Variants in NOX5 observed in about 807,000 individuals in gnomAD.
NOX5 encodes the protein NADPH oxidase 5.
In NOX5, 76 loss-of-function variants were observed where a neutral mutation model predicts 85.7. That is an observed-to-expected ratio of 0.89 (90% CI 0.74 to 1.07). The LOEUF (loss-of-function observed/expected upper bound fraction) is 1.07. NOX5 is among the 50% of genes least tolerant of loss of function. The probability of loss-of-function intolerance (pLI) is 0.00; values close to 1 mark genes in which losing one functional copy is unlikely to be tolerated. For missense variants in NOX5, 973 were observed against 999.5 expected (o/e 0.97, Z 0.36); for synonymous variants, 405 against 401.4 (o/e 1.01, Z -0.11).
rs1463632885 is a variant in NOX5 at position 69,060,895 on chromosome 15, A to T, written c.*4199A>T. The T allele has an allele frequency of 6.6e-6, 1 of 152,246 alleles. No individual in the cohort carries two copies. Among genetic ancestry groups the T allele is most frequent in the African/African-American group, 2.4e-5 (1 of 41,468 alleles). 9.4% of individuals were successfully genotyped at this position (152,246 alleles called of 1,614,324 possible). Reference sequence around the variant, plus strand: ...CAGATGTGTCTACAGCATTGTTAACATCTGGTGAAAGGAGAAAAGTCAGCC... The same window carrying T: ...CAGATGTGTCTACAGCATTGTTAACTTCTGGTGAAAGGAGAAAAGTCAGCC... On this transcript the variant is annotated 3_prime_UTR_variant, in exon 16 of 16. Transcript: ENST00000388866.
chr15:69,055,887 T>C (rs1237878242), intron 15 of NOX5, among the ~76,000 whole-genome samples: 1 of 152,116 alleles, frequency 6.6e-6, no homozygotes, highest in Non-Finnish European at 1.5e-5. Context: ...TTGCAATCCT[T>C]TTATTTTATT....
At chr15:69,042,897 A>G in intron 10 of NOX5, 92 bp downstream of exon 10, 1 of 1,369,496 alleles carries the variant, frequency 7.3e-7, no homozygotes, top group South Asian at 1.4e-5. Context: ...TCAATTATTG[A>G]GCAACTGCTG....
chr15:69,018,017 C>CA (rs1164229618), intron 1 of NOX5, among the ~76,000 whole-genome samples: 1 of 152,132 alleles, frequency 6.6e-6, no homozygotes, highest in African/African-American at 2.4e-5. Flanking sequence ...GCCCAAACCT[C>CA]AGAGCTTCTG....
intron 10 of NOX5, among the ~76,000 whole-genome samples, chr15:69,045,463 T>C (rs1359998086): frequency 6.6e-6 from 1 of 151,672 alleles, no homozygotes; most frequent in Non-Finnish European, 1.5e-5. Context: ...ACACTCTTAC[T>C]CCTTCCTTCC....
rs1595772585 is a variant in NOX5, at chr15:69,028,272, A to C, written c.232A>C (p.Thr78Pro). ...LFDSDRSGTI[T>P]LQELQEALTL... is the part of the protein sequence containing the mutation. ...TGACTCCGATAGAAGTGGCACCATC[A>C]CCCTCCAGGAGCTGCAGGAGGCACT... The change falls in exon 3 of 16, where the codon ACC becomes CCC. Residue 78 changes from threonine to proline, a missense_variant. Thr to Pro is a conservative substitution (Grantham distance 38). Coordinates refer to ENST00000388866, the MANE Select transcript of NOX5 (RefSeq NM_024505.4). 6.2e-7 allele frequency: 1 copy of C among 1,613,062 alleles called. No individual in the cohort carries two copies. The highest frequency in any genetic ancestry group is 1.7e-5 in the Admixed American group (1 of 59,886).
rs2050251536 is a variant in NOX5, at chr15:69,018,014, C to T, written c.50+3229C>T. On this transcript the variant is annotated intron_variant, in intron 1 of 15. Coordinates refer to ENST00000388866, the MANE Select transcript of NOX5 (RefSeq NM_024505.4). ...AGAATTCACACTCCCAGGGCCCAAA[C>T]CTCAGAGCTTCTGGTCCTGAAGATC... Among the ~76,000 whole-genome samples the T allele has an allele frequency of 2.6e-5, 4 of 152,206 alleles. No homozygotes were observed. In the Middle Eastern group the frequency reaches 0.014, roughly 518 times the overall value.
In NOX5 at chr15:69,037,125, T is replaced by C. The variant is rs774525088; in HGVS notation, c.1286T>C (p.Leu429Ser). 4.5e-5 allele frequency: 72 copies of C among 1,614,018 alleles called. No individual in the cohort carries two copies. The highest frequency in any genetic ancestry group is 6.7e-5 in the Admixed American group (4 of 60,006). ...AAGTGGCTGCTGGTGCCTGGAATCTTGTTTTTCCTGGAGAAGGCCATCGGA... is the reference window on the plus strand; with the variant it reads ...AAGTGGCTGCTGGTGCCTGGAATCTCGTTTTTCCTGGAGAAGGCCATCGGA... ...FWKWLLVPGI[L>S]FFLEKAIGLA... The change falls in exon 8 of 16, where the codon TTG becomes TCG. Residue 429 changes from leucine to serine, a missense_variant. Leu to Ser is a moderately radical substitution (Grantham distance 145). Transcript: ENST00000388866.
intron 1 of NOX5, among the ~76,000 whole-genome samples, chr15:69,018,109 C>T (rs748951941): frequency 1.3e-5 from 2 of 151,940 alleles, no homozygotes; most frequent in African/African-American, 4.8e-5. Flanking sequence ...TGGACCGGAC[C>T]GCACTCATGG....
chr15:69,037,160 T>C lies in NOX5; in HGVS notation c.1321T>C (p.Ser441Pro), dbSNP rs2050530507. The C allele has an allele frequency of 6.2e-7, 1 of 1,613,842 alleles. No homozygotes were observed. The highest frequency in any genetic ancestry group is 1.3e-5 in the African/African-American group (1 of 74,884). The stretch of plus-strand genomic sequence containing the variant: ...GGAGAAGGCCATCGGACTGGCAGTG[T>C]CCCGCATGGCAGCCGTGTGCATCAT... The part of the protein sequence containing the change: ...FLEKAIGLAV[S>P]RMAAVCIMEV... The change falls in exon 8 of 16, where the codon TCC becomes CCC. Residue 441 changes from serine to proline, a missense_variant. Transcript: ENST00000388866.
Position 69,035,757 on chromosome 15 carries a change from G to T in NOX5, c.1010-1G>T. On this transcript the variant is annotated splice_acceptor_variant, in intron 6 of 15. Transcript: ENST00000388866. LOFTEE classifies it high-confidence loss of function. ...CTCAACCTTTCTGAGCTTGTTTCCA[G>T]TACTCCAGGCTCAGGCGGAGGCCAG... 1 of 1,613,564 alleles carries T rather than the reference G, an allele frequency of 6.2e-7. No individual in the cohort carries two copies. The highest frequency in any genetic ancestry group is 2.2e-5 in the East Asian group (1 of 44,878).
chr15:69,015,352 A>C (rs1228045440), intron 1 of NOX5, among the ~76,000 whole-genome samples: 1 of 152,064 alleles, frequency 6.6e-6, no homozygotes, highest in East Asian at 1.9e-4. Flanking sequence ...CCCCTTGCAC[A>C]GGCCCACCAC....
At chr15:69,031,422 T>G in intron 3 of NOX5, 96 bp from the exon 4 acceptor site, 2 of 1,361,180 alleles carry the variant, frequency 1.5e-6, no homozygotes, top group Non-Finnish European at 2.0e-6. Flanking sequence ...GAGGGTGACA[T>G]TTGGTCCTTC....
intron 1 of NOX5, chr15:69,024,183 T>G (rs1431915643): frequency 6.6e-6 from 1 of 152,280 alleles, no homozygotes; most frequent in East Asian, 1.9e-4. Context: ...TTCTTACATT[T>G]CCCTTTAATT....
At chr15:69,033,985 C>T (rs1349686758) in intron 5 of NOX5, among the ~76,000 whole-genome samples, 1 of 152,054 alleles carries the variant, frequency 6.6e-6, no homozygotes, top group Non-Finnish European at 1.5e-5. Context: ...TGAGCCACCA[C>T]GCCTGACCTC....
intron 7 of NOX5, among the ~76,000 whole-genome samples, chr15:69,036,322 A>G (rs901827161): frequency 2.6e-5 from 4 of 152,098 alleles, no homozygotes; most frequent in Non-Finnish European, 4.4e-5. Context: ...GTAATTCTCT[A>G]TGTTATTTTA....
intron 3 of NOX5, chr15:69,030,626 T>C (rs555908079): frequency 1.3e-5 from 2 of 152,342 alleles, no homozygotes; most frequent in African/African-American, 2.4e-5. Context: ...GGCTGTTGAC[T>C]AGGAAAGCAG....
At chr15:69,025,290 A>G (rs1386703152) in intron 1 of NOX5, among the ~76,000 whole-genome samples, 3 of 151,764 alleles carry the variant, frequency 2.0e-5, no homozygotes, top group Non-Finnish European at 1.5e-5. Context: ...TATTTCCTCC[A>G]TACTGCACAG....
chr15:69,044,652 G>T (rs576551991), intron 10 of NOX5, among the ~76,000 whole-genome samples: 1 of 152,244 alleles, frequency 6.6e-6, no homozygotes, highest in Non-Finnish European at 1.5e-5. Context: ...GAAAAAGCAG[G>T]TTACTAAAAA....
chr15:69,033,083 C>G lies in NOX5; in HGVS notation c.661C>G (p.Pro221Ala). The G allele has an allele frequency of 1.9e-6, 3 of 1,552,030 alleles. No homozygotes were observed. Among genetic ancestry groups the G allele is most frequent in the Non-Finnish European group, 2.6e-6 (3 of 1,157,384 alleles). ...GACGGCCCCCGCCCCCCGCCCACGC[C>G]CGCGCCGGCCGCGCCAGCTGACCCG... ...WLTAPAPRPR[P>A]RRPRQLTRAY... The change falls in exon 5 of 16, where the codon CCG (proline) becomes GCG (alanine). Residue 221 changes from proline to alanine, a missense_variant. By Grantham distance (27) the Pro-to-Ala change is conservative. Transcript: ENST00000388866.
Sources: allele counts gnomAD v4.1 joint callset (sites outside exome capture counted in the v4.1 genomes callset), GRCh38; gene constraint gnomAD v4.1.1; transcripts MANE v1.5; gene names NCBI Gene and HGNC (gene_info 2026-07-23, HGNC 2026-07-21).